TUG1: variants seen among roughly 807,000 people sequenced by gnomAD.
The protein encoded by TUG1 is taurine up-regulated 1.
chr22:30,972,927 A>G (rs1292604709), exon 2 of TUG1: 5 of 152,728 alleles, frequency 3.3e-5, no homozygotes, highest in African/African-American at 9.8e-5. Context: ...CCATCAGCCT[A>G]CAGACCTGGT....
exon 1 of TUG1, chr22:30,970,432 C>T (rs1463947450): frequency 6.6e-6 from 1 of 152,198 alleles, no homozygotes; most frequent in Non-Finnish European, 1.5e-5. Context: ...GGCTTCTATT[C>T]TGAATCCTTT....
chr22:30,969,971 G>A (rs1215661384), exon 1 of TUG1: 1 of 152,222 alleles, frequency 6.6e-6, no homozygotes, highest in Non-Finnish European at 1.5e-5. Flanking sequence ...TTCCTCCTCT[G>A]CCTATCAATG....
At chr22:30,975,686 A>G (rs1403272533) in exon 3 of TUG1, 2 of 152,158 alleles carry the variant, frequency 1.3e-5, no homozygotes, top group Middle Eastern at 3.2e-3. Flanking sequence ...TGCACCCTAC[A>G]CTGACAGACT....
At chr22:30,977,488 G>A (rs1249956438) in exon 3 of TUG1, 1 of 152,196 alleles carries the variant, frequency 6.6e-6, no homozygotes, top group Non-Finnish European at 1.5e-5. Context: ...TGGCAGATGA[G>A]CAAGAAACTG....
exon 1 of TUG1, chr22:30,971,189 C>T (rs1053019880): frequency 6.6e-6 from 1 of 152,164 alleles, no homozygotes; most frequent in Admixed American, 6.5e-5. Flanking sequence ...TAGATGTTAG[C>T]CAGTTATGCT....
exon 1 of TUG1, chr22:30,970,763 CT>C (rs1421249605): frequency 6.6e-6 from 1 of 152,166 alleles, no homozygotes; most frequent in African/African-American, 2.4e-5. Context: ...TGCACGTGGA[CT>C]TTTAGCAAGC....
chr22:30,977,108 TAAGATG>T (rs1036667540), exon 3 of TUG1: 1 of 152,192 alleles, frequency 6.6e-6, no homozygotes, highest in Non-Finnish European at 1.5e-5. Flanking sequence ...AGGAATGACT[TAAGATG>T]AAGATGATCA....
chr22:30,973,456 C>T (rs2041253278), exon 2 of TUG1: 1 of 152,186 alleles, frequency 6.6e-6, no homozygotes, highest in South Asian at 2.1e-4. Flanking sequence ...CTCATAGCAT[C>T]TTCTTTGGAA....
chr22:30,971,560 C>G (rs1015176474), exon 1 of TUG1: 1 of 152,716 alleles, frequency 6.5e-6, no homozygotes, highest in Non-Finnish European at 1.5e-5. Context: ...TTTTCAAGAC[C>G]TGGACCTGGA....
exon 3 of TUG1, chr22:30,977,330 A>C (rs1419408720): frequency 1.3e-5 from 2 of 152,328 alleles, no homozygotes; most frequent in East Asian, 3.9e-4. Context: ...GAGTTAAAAA[A>C]GATGACGACT....
chr22:30,979,037 C>CA (rs1039147529), exon 3 of TUG1: 1 of 151,570 alleles, frequency 6.6e-6, no homozygotes, highest in Non-Finnish European at 1.5e-5. Context: ...GTAAAAATGA[C>CA]ATGGTAGAAA....
exon 1 of TUG1, chr22:30,971,209 A>T (rs1457554844): frequency 6.6e-6 from 1 of 152,238 alleles, no homozygotes; most frequent in African/African-American, 2.4e-5. Context: ...TATTTCATTC[A>T]AATGTCTGAA....
At chr22:30,970,245 G>A (rs960106212) in exon 1 of TUG1, 4 of 152,112 alleles carry the variant, frequency 2.6e-5, no homozygotes, top group Non-Finnish European at 5.9e-5. Flanking sequence ...TTTCCAAGGG[G>A]GCTGTGACCC....
chr22:30,971,611 G>A (rs1426315835), exon 1 of TUG1: 1 of 152,780 alleles, frequency 6.5e-6, no homozygotes, highest in Admixed American at 6.5e-5. Context: ...AACACTGGAG[G>A]TAGATTTTTT....
exon 3 of TUG1, chr22:30,975,415 C>G (rs1274821978): frequency 6.6e-6 from 1 of 152,282 alleles, no homozygotes; most frequent in Non-Finnish European, 1.5e-5. Context: ...ACCACTGCCC[C>G]AGACAGCAAT....
exon 3 of TUG1, chr22:30,979,318 T>G (rs1362945388): frequency 7.1e-6 from 1 of 140,858 alleles, no homozygotes; most frequent in Non-Finnish European, 1.6e-5. Flanking sequence ...TTCAACTTTA[T>G]ACATTTCTGT....
intron 2 of TUG1, chr22:30,974,312 A>G (rs1602531601): frequency 6.6e-6 from 1 of 150,546 alleles, no homozygotes; most frequent in African/African-American, 2.5e-5. Context: ...CTTGCAGCAA[A>G]TTACTACTGC....
At chr22:30,978,672 A>G (rs2041316093) in exon 3 of TUG1, 1 of 152,188 alleles carries the variant, frequency 6.6e-6, no homozygotes, top group East Asian at 1.9e-4. Context: ...CCTCAAACTA[A>G]CAGGGCCTAC....
chr22:30,976,719 C>T (rs2041291469), exon 3 of TUG1: 1 of 152,192 alleles, frequency 6.6e-6, no homozygotes, highest in South Asian at 2.1e-4. Context: ...CATGAGAAAA[C>T]TCATTCTTTA....
Sources: allele counts gnomAD v4.1 joint callset, GRCh38; gene constraint gnomAD v4.1.1; transcripts MANE v1.5; gene names NCBI Gene and HGNC (gene_info 2026-07-23, HGNC 2026-07-21).